HDAC9: variants seen among roughly 807,000 people sequenced by gnomAD.
HDAC9 encodes histone deacetylase 9, also known as MEF-2 interacting transcription repressor (MITR) protein.
In HDAC9, 41 loss-of-function variants were observed where a neutral mutation model predicts 139.4. That is an observed-to-expected ratio of 0.29 (90% CI 0.23 to 0.38). The LOEUF is 0.38. Among genes scored for constraint, HDAC9 ranks in the 10% least tolerant of loss-of-function variants. The pLI is 1.00. For missense variants in HDAC9, 1,147 were observed against 1,297.0 expected, an observed-to-expected ratio of 0.88 and a Z score of 1.78; for synonymous variants, 517 against 476.2, an observed-to-expected ratio of 1.09 and a Z score of -1.12.
intron 21 of HDAC9, among the ~76,000 whole-genome samples, chr7:18,859,072 T>C (rs2129231113): frequency 6.6e-6 from 1 of 152,300 alleles, no homozygotes; most frequent in African/African-American, 2.4e-5. Flanking sequence ...GTCAGTCAGT[T>C]ATTTGCTGAA....
At chr7:18,333,170 G>C (rs1027853931) in intron 1 of HDAC9, among the ~76,000 whole-genome samples, 11 of 151,442 alleles carry the variant, frequency 7.3e-5, no homozygotes, top group African/African-American at 2.4e-4. Context: ...AAAAACTACT[G>C]AGTCAGAGGC....
chr7:18,661,518 T>C (rs1040408670), intron 11 of HDAC9, among the ~76,000 whole-genome samples: 1 of 152,128 alleles, frequency 6.6e-6, no homozygotes, highest in African/African-American at 2.4e-5. Context: ...TAAAAAGTTC[T>C]AGGTTTCTAC....
At chr7:18,267,815 A>G (rs1796097448) in intron 2 of HDAC9, among the ~76,000 whole-genome samples, 2 of 152,108 alleles carry the variant, frequency 1.3e-5, no homozygotes, top group African/African-American at 2.4e-5. Context: ...CATACCCAGT[A>G]GTGGGATTGC....
At chr7:18,383,722 A>G (rs1302327617) in intron 1 of HDAC9, among the ~76,000 whole-genome samples, 1 of 151,724 alleles carries the variant, frequency 6.6e-6, no homozygotes, top group East Asian at 1.9e-4. Context: ...CTCTACTAAA[A>G]AAAAAAAAAT....
chr7:18,707,688 G>A (rs962606933), intron 12 of HDAC9, among the ~76,000 whole-genome samples: 1 of 152,066 alleles, frequency 6.6e-6, no homozygotes, highest in Non-Finnish European at 1.5e-5. Flanking sequence ...TGGTGGATAT[G>A]GGCAATTATT....
intron 8 of HDAC9, among the ~76,000 whole-genome samples, chr7:18,634,951 T>A (rs1172728578): frequency 6.6e-6 from 1 of 152,096 alleles, no homozygotes; most frequent in Non-Finnish European, 1.5e-5. Context: ...TGAACTGATA[T>A]TTATTAGCTG....
chr7:18,250,655 T>G (rs544869842), intron 2 of HDAC9, among the ~76,000 whole-genome samples: 46 of 152,334 alleles, frequency 3.0e-4, no homozygotes, highest in African/African-American at 1.1e-3. Flanking sequence ...TCTCAAAGCC[T>G]TTCTTGTATT....
intron 24 of HDAC9, among the ~76,000 whole-genome samples, chr7:18,972,367 CTCTTTTTTTTTTT>C (rs146757714): frequency 6.7e-4 from 77 of 114,838 alleles, no homozygotes; most frequent in African/African-American, 2.3e-3. Context: ...CGATGAACTT[CTCTTTTTTTTTTT>C]TTTTTTTTTT....
intron 1 of HDAC9, among the ~76,000 whole-genome samples, chr7:18,428,589 A>T (rs997935818): frequency 6.6e-6 from 1 of 152,208 alleles, no homozygotes; most frequent in Admixed American, 6.5e-5. Flanking sequence ...ACCTGTTAGG[A>T]TGGCTAACCT....
intron 2 of HDAC9, among the ~76,000 whole-genome samples, chr7:18,211,290 C>A (rs1791921509): frequency 6.6e-6 from 1 of 152,146 alleles, no homozygotes; most frequent in African/African-American, 2.4e-5. Context: ...CATGACAAAT[C>A]TGAGCTTAAA....
intron 1 of HDAC9, among the ~76,000 whole-genome samples, chr7:18,479,355 ATTATC>A (rs1795364549): frequency 6.6e-6 from 1 of 152,142 alleles, no homozygotes; most frequent in African/African-American, 2.4e-5. Flanking sequence ...TAGAGTAGCA[ATTATC>A]TTAGCACCAG....
chr7:18,638,686 G>A (rs1784636527), intron 8 of HDAC9, among the ~76,000 whole-genome samples: 1 of 152,056 alleles, frequency 6.6e-6, no homozygotes, highest in Non-Finnish European at 1.5e-5. Context: ...CTCCTGGTAG[G>A]GAAAACTCAT....
intron 1 of HDAC9, among the ~76,000 whole-genome samples, chr7:18,432,379 C>T (rs1420834752): frequency 6.6e-6 from 1 of 152,104 alleles, no homozygotes; most frequent in African/African-American, 2.4e-5. Flanking sequence ...ACATATTTAC[C>T]TTTGGATTTT....
At chr7:18,238,837 A>G (rs1793999469) in intron 2 of HDAC9, among the ~76,000 whole-genome samples, 1 of 152,232 alleles carries the variant, frequency 6.6e-6, no homozygotes, top group Non-Finnish European at 1.5e-5. Context: ...ACATAATCTA[A>G]TAATTAATTG....
In HDAC9 at chr7:18,357,627, ACCTT is replaced by A. The variant is rs757924197; in HGVS notation, c.-42+67113_-42+67116del. Reference sequence around the variant, plus strand: ...AAAAAAAGGTCAGTAAGTATATATAACCTTTGGGGCCAACTTTAGGCTAGAGAGT... The same window carrying A: ...AAAAAAAGGTCAGTAAGTATATATAATGGGGCCAACTTTAGGCTAGAGAGT... On this transcript the variant is annotated intron_variant, in intron 1 of 3. Transcript: ENST00000413509. Among the ~76,000 whole-genome samples, 78 of 152,190 alleles carry A rather than the reference ACCTT, an allele frequency of 5.1e-4. 1 individual carries two copies. Among genetic ancestry groups the A allele is most frequent in the Non-Finnish European group, 1.1e-3 (74 of 68,030 alleles).
At chr7:18,538,296 C>T (rs901671197) in intron 2 of HDAC9, among the ~76,000 whole-genome samples, 2 of 152,150 alleles carry the variant, frequency 1.3e-5, no homozygotes, top group African/African-American at 2.4e-5. Flanking sequence ...AATTATCACA[C>T]AGCTCAGCCA....
intron 21 of HDAC9, among the ~76,000 whole-genome samples, chr7:18,855,282 C>T (rs924017702): frequency 3.3e-5 from 5 of 152,040 alleles, no homozygotes; most frequent in Non-Finnish European, 5.9e-5. Flanking sequence ...CGTGACCTAG[C>T]GTAGTGTTAT....
chr7:18,755,287 T>A (rs1788779861), intron 14 of HDAC9, among the ~76,000 whole-genome samples: 1 of 152,160 alleles, frequency 6.6e-6, no homozygotes, highest in South Asian at 2.1e-4. Flanking sequence ...GATTTAGGAT[T>A]TCTTTTAACA....
chr7:18,491,385 G>A (rs1166064251), upstream of HDAC9, among the ~76,000 whole-genome samples: 4 of 151,838 alleles, frequency 2.6e-5, no homozygotes, highest in African/African-American at 4.8e-5. Context: ...CAGACAAACC[G>A]TATTTATAAA....
Sources: gnomAD v4.1 joint callset for allele counts (sites outside exome capture counted in the v4.1 genomes callset) on GRCh38, gnomAD v4.1.1 for gene constraint, MANE v1.5 for transcripts, NCBI Gene and HGNC (gene_info 2026-07-23, HGNC 2026-07-21) for gene names.